Variants in AKAP6 observed in about 807,000 individuals in gnomAD.
The protein encoded by AKAP6 is A-kinase anchor protein 6.
Under a neutral mutation model 188.5 loss-of-function variants are expected in AKAP6, and 58 were observed. That is an observed-to-expected ratio of 0.31 (90% confidence interval 0.25 to 0.38). AKAP6 has a LOEUF of 0.38. Ranked by LOEUF, AKAP6 falls within the 10% of genes least tolerant of loss-of-function variation. AKAP6 has a pLI of 1.00. For synonymous variants in AKAP6, 989 were observed against 998.6 expected, an observed-to-expected ratio of 0.99 and a Z score of 0.18; for missense variants, 2,710 against 2,740.0, an observed-to-expected ratio of 0.99 and a Z score of 0.24.
Position 32,786,468 on chromosome 14 carries a change from C to T in AKAP6, c.3588+12575C>T, listed in dbSNP as rs561899387. On this transcript the variant is annotated intron_variant, in intron 12 of 13. Coordinates refer to ENST00000280979, the MANE Select transcript of AKAP6 (RefSeq NM_004274.5). ...GACTACAGGCGCCCACCACCACGCC[C>T]GGCTAATTATTTTATTTTATTTTAT... 7.2e-5 allele frequency among the ~76,000 whole-genome samples: 10 copies of T among 139,540 alleles called. No homozygotes were observed. The South Asian group carries it at 7.4e-4, about 10-fold the overall frequency. 91.5% of individuals were successfully genotyped at this position (139,540 alleles called of 152,430 possible).
At chr14:32,427,532 G>A (rs1890076376) in intron 1 of AKAP6, among the ~76,000 whole-genome samples, 1 of 152,184 alleles carries the variant, frequency 6.6e-6, no homozygotes, top group South Asian at 2.1e-4. Context: ...AAAACTAAGT[G>A]ACGAACTAGA....
chr14:32,379,783 T>A (rs74041611), intron 1 of AKAP6, among the ~76,000 whole-genome samples: 4,404 of 152,290 alleles, frequency 0.029, 199 homozygotes, highest in African/African-American at 0.099. Context: ...CTAGGTATGA[T>A]ATCACCTTCC....
chr14:32,807,325 C>CA (rs10707499), intron 12 of AKAP6, among the ~76,000 whole-genome samples: 4,028 of 105,052 alleles, frequency 0.038, 68 homozygotes, highest in African/African-American at 0.042. Flanking sequence ...GACCATGTCT[C>CA]AAAAAAAAAA....
intron 1 of AKAP6, among the ~76,000 whole-genome samples, chr14:32,379,356 C>T (rs942518615): frequency 2.6e-5 from 4 of 152,096 alleles, no homozygotes; most frequent in South Asian, 2.1e-4. Flanking sequence ...TGCTGTCAAC[C>T]GTCCTCTGTA....
intron 11 of AKAP6, among the ~76,000 whole-genome samples, chr14:32,752,422 G>A (rs973906467): frequency 6.6e-6 from 1 of 152,138 alleles, no homozygotes; most frequent in African/African-American, 2.4e-5. Context: ...GATATGCCCT[G>A]AGGGTTTGAT....
At chr14:32,547,141 G>A (rs1950690) in intron 4 of AKAP6, 142 bp downstream of exon 4, 108,083 of 887,088 alleles carry the variant, frequency 0.12, 9,479 homozygotes, top group African/African-American at 0.39. Context: ...AAAAGAAAAA[G>A]CACAATGATC....
intron 7 of AKAP6, among the ~76,000 whole-genome samples, chr14:32,656,525 T>A (rs1255037091): frequency 6.6e-6 from 1 of 152,190 alleles, no homozygotes; most frequent in African/African-American, 2.4e-5. Flanking sequence ...TATTCAGTCC[T>A]CACTGGGCCT....
At chr14:32,624,963 A>C (rs1886957578) in intron 7 of AKAP6, among the ~76,000 whole-genome samples, 1 of 152,164 alleles carries the variant, frequency 6.6e-6, no homozygotes. Context: ...TTGAACAGAT[A>C]ATTCCTAGTG....
At chr14:32,818,864 C>T (rs1473061343) in intron 12 of AKAP6, among the ~76,000 whole-genome samples, 1 of 152,074 alleles carries the variant, frequency 6.6e-6, no homozygotes. Flanking sequence ...TTAAAGTCAA[C>T]CAGAGAGTTA....
intron 2 of AKAP6, among the ~76,000 whole-genome samples, chr14:32,477,764 AAG>A (rs1293587898): frequency 6.6e-6 from 1 of 152,194 alleles, no homozygotes; most frequent in Non-Finnish European, 1.5e-5. Flanking sequence ...AATGGAGGTT[AAG>A]AGAGTTGATT....
chr14:32,583,561 G>T (rs1885082704), intron 5 of AKAP6, among the ~76,000 whole-genome samples: 1 of 152,232 alleles, frequency 6.6e-6, no homozygotes, highest in Admixed American at 6.5e-5. Flanking sequence ...TTGTTTGTCT[G>T]TGCCCTGCCC....
intron 2 of AKAP6, among the ~76,000 whole-genome samples, chr14:32,479,471 A>T (rs754961735): frequency 6.6e-6 from 1 of 152,202 alleles, no homozygotes; most frequent in Non-Finnish European, 1.5e-5. Context: ...CTCAGATTCT[A>T]TAACAATTTT....
intron 1 of AKAP6, among the ~76,000 whole-genome samples, chr14:32,405,389 G>GT (rs1000854510): frequency 6.6e-6 from 1 of 151,820 alleles, no homozygotes; most frequent in Non-Finnish European, 1.5e-5. Context: ...CATAATGATT[G>GT]TTTTTTTGAC....
intron 7 of AKAP6, among the ~76,000 whole-genome samples, chr14:32,659,908 A>T (rs7157153): frequency 0.018 from 2,670 of 152,210 alleles, 70 homozygotes; most frequent in African/African-American, 0.061. Flanking sequence ...ACAAACAAAC[A>T]TAAGATTTCC....
At chr14:32,540,443 C>A (rs149623760) in intron 3 of AKAP6, among the ~76,000 whole-genome samples, 2,312 of 152,076 alleles carry the variant, frequency 0.015, 24 homozygotes, top group Non-Finnish European at 0.02. Context: ...AAGCAAACCA[C>A]CTGCCTCATC....
In AKAP6 at chr14:32,739,859, T is replaced by C. The variant is rs142132652; in HGVS notation, c.3372+3977T>C. 3.0e-3 allele frequency among the ~76,000 whole-genome samples: 450 copies of C among 152,256 alleles called. 2 individuals carry two copies. Among genetic ancestry groups the C allele is most frequent in the Non-Finnish European group, 5.1e-3 (347 of 67,962 alleles). ...TGAGAGTGCAGAAATTTCTTCAATA[T>C]ACTGATTTCCTTTCTTTTGGATATA... On this transcript the variant is annotated intron_variant, in intron 11 of 13. Transcript: ENST00000280979.
intron 1 of AKAP6, among the ~76,000 whole-genome samples, chr14:32,340,798 C>A (rs1886865198): frequency 6.6e-6 from 1 of 152,188 alleles, no homozygotes; most frequent in East Asian, 1.9e-4. Context: ...AGTCCACTTT[C>A]TGGTTCACAG....
chr14:32,577,829 G>A (rs984392416), intron 5 of AKAP6, among the ~76,000 whole-genome samples: 4 of 152,118 alleles, frequency 2.6e-5, no homozygotes, highest in African/African-American at 9.7e-5. Flanking sequence ...GCTTCTGAAT[G>A]TTAAAAGCAA....
intron 2 of AKAP6, chr14:32,474,606 G>A (rs1276894506): frequency 1.3e-5 from 2 of 152,210 alleles, no homozygotes; most frequent in African/African-American, 4.8e-5. Context: ...ATTCCAGGTG[G>A]GGCTGGCTTA....
Sources: allele counts gnomAD v4.1 joint callset (sites outside exome capture counted in the v4.1 genomes callset), GRCh38; gene constraint gnomAD v4.1.1; transcripts MANE v1.5; gene names NCBI Gene and HGNC (gene_info 2026-07-23, HGNC 2026-07-21).